The following TRAPPC12 variants were observed in gnomAD, a reference collection of about 807,000 sequenced individuals.
The protein encoded by TRAPPC12 is TPR repeat protein 15.
In TRAPPC12, 61 loss-of-function variants were observed where a neutral mutation model predicts 69.2. That is an observed-to-expected ratio of 0.88 (90% CI 0.72 to 1.09). The LOEUF is 1.09. Among genes scored for constraint, TRAPPC12 ranks in the 50% least tolerant of loss-of-function variants. The probability of loss-of-function intolerance (pLI) is 0.00; values close to 1 mark genes in which losing one functional copy is unlikely to be tolerated. For missense variants in TRAPPC12, 1,101 were observed against 1,016.4 expected (o/e 1.08, Z -1.13); for synonymous variants, 469 against 438.9 (o/e 1.07, Z -0.86).
chr2:3,424,768 C>G, intron 5 of TRAPPC12, 105 bp downstream of exon 5: 2 of 1,290,588 alleles, frequency 1.5e-6, no homozygotes, highest in Non-Finnish European at 2.1e-6. Context: ...TTTATCCAGT[C>G]TTGAAAAATC....
chr2:3,384,408 CT>C (rs1201124588), intron 1 of TRAPPC12, among the ~76,000 whole-genome samples: 1 of 152,130 alleles, frequency 6.6e-6, no homozygotes, highest in African/African-American at 2.4e-5. Context: ...AAAGAGAATG[CT>C]TTAAACGTTT....
In TRAPPC12 at chr2:3,388,286, G is replaced by A. The variant is rs577065557; in HGVS notation, c.663G>A (p.Ser221=). ...CGGCCGCCAGCCACTCCTTGGCCTC[G>A]GACTTCTTCGACTCCTTTACTACCT... ...GDTAASHSLA[S]DFFDSFTTSA... is the part of the protein sequence containing the mutation. The change falls in exon 2 of 12, where the codon TCG becomes TCA. Residue 221 remains serine, a synonymous_variant. Transcript: ENST00000324266. 43 of 1,607,722 alleles carry A rather than the reference G, an allele frequency of 2.7e-5. No individual in the cohort carries two copies. The highest frequency in any genetic ancestry group is 2.5e-4 in the East Asian group (11 of 44,332).
chr2:3,478,745 T>C (rs560443113), intron 10 of TRAPPC12, 101 bp from the exon 11 acceptor site: 112 of 1,002,738 alleles, frequency 1.1e-4, no homozygotes, highest in Admixed American at 2.5e-4. Flanking sequence ...CACAGGGCCA[T>C]ACGCTGGGTC....
intron 6 of TRAPPC12, among the ~76,000 whole-genome samples, chr2:3,448,450 C>T (rs554317395): frequency 7.1e-4 from 108 of 152,328 alleles, no homozygotes; most frequent in African/African-American, 2.5e-3. Context: ...AAAAATTGCT[C>T]TCAGTAGATT....
intron 2 of TRAPPC12, among the ~76,000 whole-genome samples, chr2:3,399,591 G>A (rs911685090): frequency 7.9e-5 from 12 of 152,246 alleles, no homozygotes; most frequent in Non-Finnish European, 1.3e-4. Context: ...CCTATGACCT[G>A]GAGCCACCCA....
chr2:3,449,633 A>G (rs1317025403), intron 6 of TRAPPC12, among the ~76,000 whole-genome samples: 2 of 152,242 alleles, frequency 1.3e-5, no homozygotes, highest in Non-Finnish European at 2.9e-5. Flanking sequence ...ACAGATGGAC[A>G]TTCTTCAGTT....
At chr2:3,464,089 G>A (rs1665663231) in intron 8 of TRAPPC12, among the ~76,000 whole-genome samples, 1 of 152,080 alleles carries the variant, frequency 6.6e-6, no homozygotes, top group South Asian at 2.1e-4. Context: ...GTGCCCCCAT[G>A]CCAGGTCACA....
intron 9 of TRAPPC12, among the ~76,000 whole-genome samples, chr2:3,469,989 A>G (rs936787613): frequency 1.3e-5 from 2 of 152,156 alleles, no homozygotes; most frequent in African/African-American, 4.8e-5. Flanking sequence ...ATTTTCTACA[A>G]TCTTGAATGT....
chr2:3,398,534 GC>G (rs1309854574), intron 2 of TRAPPC12, among the ~76,000 whole-genome samples: 2 of 152,208 alleles, frequency 1.3e-5, no homozygotes, highest in Non-Finnish European at 2.9e-5. Context: ...AGGTGCAGGG[GC>G]TGCTGCCTTT....
intron 1 of TRAPPC12, among the ~76,000 whole-genome samples, chr2:3,387,414 T>C (rs1206423363): frequency 1.1e-4 from 16 of 152,242 alleles, no homozygotes; most frequent in Non-Finnish European, 7.3e-5. Flanking sequence ...GTTCTGGAGA[T>C]TGGTTGCACA....
chr2:3,388,122 G>T lies in TRAPPC12; in HGVS notation c.499G>T (p.Ala167Ser). The change falls in exon 2 of 12, where the codon GCG (alanine) becomes TCG (serine). Residue 167 changes from alanine to serine, a missense_variant. Coordinates refer to ENST00000324266, the MANE Select transcript of TRAPPC12 (RefSeq NM_016030.6). ...VPVCTIFSQRAPPASGDGFEP... is the reference protein window; with the variant it reads ...VPVCTIFSQRSPPASGDGFEP... ...GGTGTGCACCATCTTCAGCCAGCGC[G>T]CGCCCCCAGCCTCCGGGGACGGCTT... 1.3e-6 allele frequency: 2 copies of T among 1,583,400 alleles called. No individual in the cohort carries two copies. The highest frequency in any genetic ancestry group is 1.1e-5 in the South Asian group (1 of 88,510).
In TRAPPC12 at chr2:3,379,758, T is replaced by A. The variant is rs772239119; in HGVS notation, c.-123T>A. On this transcript the variant is annotated 5_prime_UTR_variant, in exon 1 of 12. Transcript: ENST00000324266. ...CGCCGCGGCCCGGCACGCGCAGGCG[T>A]ACAGAGCTCCCCGGGGGTGCCAGTT... 1.3e-5 allele frequency: 2 copies of A among 152,538 alleles called. No homozygotes were observed. Among genetic ancestry groups the A allele is most frequent in the East Asian group, 3.8e-4 (2 of 5,204 alleles). 9.4% of individuals were successfully genotyped at this position (152,538 alleles called of 1,614,324 possible).
intron 5 of TRAPPC12, among the ~76,000 whole-genome samples, chr2:3,429,669 C>G (rs1354491944): frequency 6.6e-6 from 1 of 152,128 alleles, no homozygotes; most frequent in African/African-American, 2.4e-5. Context: ...TTACTGTTTA[C>G]TTTTACTTTA....
intron 3 of TRAPPC12, among the ~76,000 whole-genome samples, chr2:3,413,326 A>G (rs1443227792): frequency 6.6e-6 from 1 of 152,204 alleles, no homozygotes; most frequent in Non-Finnish European, 1.5e-5. Context: ...TAGTAGTGGC[A>G]AAGGATTATC....
chr2:3,410,174 C>T (rs1661983030), intron 3 of TRAPPC12, among the ~76,000 whole-genome samples: 1 of 152,224 alleles, frequency 6.6e-6, no homozygotes, highest in African/African-American at 2.4e-5. Context: ...CGATATTAAC[C>T]AGTAAATTGC....
At chr2:3,401,656 G>A (rs1439181838) in intron 2 of TRAPPC12, 121 bp from the exon 3 acceptor site, 18 of 540,390 alleles carry the variant, frequency 3.3e-5, no homozygotes, top group Middle Eastern at 3.0e-4. Flanking sequence ...TACTATAACC[G>A]TTACTTTTAC....
chr2:3,442,208 C>G (rs774552251), intron 5 of TRAPPC12, among the ~76,000 whole-genome samples: 1 of 152,152 alleles, frequency 6.6e-6, no homozygotes, highest in African/African-American at 2.4e-5. Flanking sequence ...GTATTAACAG[C>G]TAGTCCCAAG....
chr2:3,395,136 G>A (rs1005879209), intron 2 of TRAPPC12, among the ~76,000 whole-genome samples: 1 of 152,164 alleles, frequency 6.6e-6, no homozygotes, highest in Non-Finnish European at 1.5e-5. Flanking sequence ...TCATGTTTCC[G>A]TCAGCAGCGT....
Position 3,441,504 on chromosome 2 carries a change from T to C in TRAPPC12, c.1418-2275T>C, listed in dbSNP as rs1051026905. ...TTTGACTAGCCTGGGGAGAGACTTA[T>C]TGGTCTTGTCAGAGTTTTATTGGTC... On this transcript the variant is annotated intron_variant, in intron 5 of 11. Transcript: ENST00000324266. Among the ~76,000 whole-genome samples, 10 of 152,042 alleles carry C rather than the reference T, an allele frequency of 6.6e-5. 1 individual carries two copies. Among genetic ancestry groups the C allele is most frequent in the South Asian group, 4.1e-4 (2 of 4,830 alleles).
Sources: gnomAD v4.1 joint callset for allele counts (sites outside exome capture counted in the v4.1 genomes callset) on GRCh38, gnomAD v4.1.1 for gene constraint, MANE v1.5 for transcripts, NCBI Gene and HGNC (gene_info 2026-07-23, HGNC 2026-07-21) for gene names.